The following DOCK1 variants were observed in gnomAD, a reference collection of about 807,000 sequenced individuals.
DOCK1 encodes dedicator of cytokinesis protein 1.
A neutral mutation model predicts 262.7 loss-of-function variants in DOCK1; 138 were observed. The ratio of observed to expected loss-of-function variants is 0.53; its 90% CI spans 0.46 to 0.61. The LOEUF (loss-of-function observed/expected upper bound fraction) is 0.61, where lower values mean the gene tolerates loss of function less well. DOCK1 is among the 20% of genes least tolerant of loss of function. The pLI, the probability that DOCK1 is intolerant of heterozygous loss-of-function variation, is 0.00. For missense variants in DOCK1, 1,908 were observed against 2,370.7 expected (o/e 0.80, Z 4.05); for synonymous variants, 866 against 867.4 (o/e 1.00, Z 0.03).
At chr10:127,153,413 C>T (rs77718729) in intron 27 of DOCK1, among the ~76,000 whole-genome samples, 6,500 of 152,210 alleles carry the variant, frequency 0.043, 363 homozygotes, top group African/African-American at 0.13. Context: ...GCACAATCCT[C>T]GAGAGTTCCC....
intron 45 of DOCK1, 79 bp downstream of exon 45, chr10:127,418,620 C>G: frequency 1.3e-6 from 2 of 1,491,386 alleles, no homozygotes; most frequent in Middle Eastern, 2.3e-4. Context: ...TCCCCAAAGC[C>G]CAGAAACGCC....
intron 27 of DOCK1, among the ~76,000 whole-genome samples, chr10:127,245,827 T>TA (rs1195986629): frequency 6.6e-6 from 1 of 152,226 alleles, no homozygotes; most frequent in Non-Finnish European, 1.5e-5. Flanking sequence ...AGCACATTGA[T>TA]ACATTGCTTC....
intron 48 of DOCK1, 104 bp downstream of exon 48, chr10:127,433,532 T>C (rs1256158075): frequency 3.5e-5 from 49 of 1,396,982 alleles, no homozygotes; most frequent in Non-Finnish European, 4.4e-5. Context: ...CTGAGGATTT[T>C]GTGTTCATCA....
chr10:126,949,124 C>G (rs1267193397), intron 1 of DOCK1, among the ~76,000 whole-genome samples: 1 of 152,078 alleles, frequency 6.6e-6, no homozygotes, highest in East Asian at 1.9e-4. Flanking sequence ...TTGCTGCCTG[C>G]CTGGCACTCT....
chr10:127,233,063 T>A (rs536996392), intron 27 of DOCK1, among the ~76,000 whole-genome samples: 37 of 152,340 alleles, frequency 2.4e-4, no homozygotes, highest in African/African-American at 8.7e-4. Context: ...GGTCCCTTTT[T>A]AATTTTATGT....
chr10:127,044,753 C>T (rs1006403382), intron 21 of DOCK1, among the ~76,000 whole-genome samples: 1 of 152,224 alleles, frequency 6.6e-6, no homozygotes, highest in Admixed American at 6.5e-5. Context: ...TCATTGGCGC[C>T]AGCCTTTCCA....
At chr10:127,326,921 C>G (rs928522746) in intron 29 of DOCK1, among the ~76,000 whole-genome samples, 1 of 152,178 alleles carries the variant, frequency 6.6e-6, no homozygotes, top group Non-Finnish European at 1.5e-5. Flanking sequence ...CTGGGTTGAC[C>G]AGGTGCATTG....
At chr10:127,004,211 G>A (rs992160907) in intron 10 of DOCK1, among the ~76,000 whole-genome samples, 2 of 151,030 alleles carry the variant, frequency 1.3e-5, no homozygotes, top group African/African-American at 2.4e-5. Context: ...CCAAGATCAC[G>A]CCAGAGTGAT....
intron 30 of DOCK1, 44 bp from the exon 31 acceptor site, chr10:127,343,602 C>A: frequency 7.0e-7 from 1 of 1,426,456 alleles, no homozygotes; most frequent in South Asian, 1.2e-5. Context: ...GATCCTATAT[C>A]AAGCTGTTCA....
intron 1 of DOCK1, among the ~76,000 whole-genome samples, chr10:126,951,910 TG>T (rs2036284312): frequency 6.7e-6 from 1 of 149,940 alleles, no homozygotes; most frequent in Non-Finnish European, 1.5e-5. Context: ...AGTGCAGTGG[TG>T]CGATCTCGGC....
intron 29 of DOCK1, among the ~76,000 whole-genome samples, chr10:127,333,487 C>G (rs369159394): frequency 2.0e-5 from 3 of 152,206 alleles, no homozygotes; most frequent in African/African-American, 7.2e-5. Flanking sequence ...ACTTTTCACT[C>G]GCTAAGTTCC....
chr10:127,347,313 G>A (rs1054175750), intron 31 of DOCK1, among the ~76,000 whole-genome samples: 1 of 152,236 alleles, frequency 6.6e-6, no homozygotes, highest in African/African-American at 2.4e-5. Flanking sequence ...TCATGGTCTA[G>A]TGGGGTAAAT....
intron 18 of DOCK1, among the ~76,000 whole-genome samples, chr10:127,036,116 AT>A (rs1408784256): frequency 6.6e-6 from 1 of 152,220 alleles, no homozygotes; most frequent in African/African-American, 2.4e-5. Flanking sequence ...TGGACTAGGC[AT>A]TCTGCTAAGT....
At chr10:127,105,503 A>T (rs1344197152) in intron 23 of DOCK1, among the ~76,000 whole-genome samples, 2 of 152,194 alleles carry the variant, frequency 1.3e-5, no homozygotes, top group African/African-American at 4.8e-5. Flanking sequence ...AAGACAGTTG[A>T]CTTTAATCAT....
intron 27 of DOCK1, chr10:127,135,975 G>C (rs555201147): frequency 7.9e-5 from 12 of 152,722 alleles, no homozygotes; most frequent in African/African-American, 2.9e-4. Flanking sequence ...TAGTCTACGT[G>C]AAACAGTTAC....
chr10:126,970,344 G>C (rs1039730119), intron 1 of DOCK1, among the ~76,000 whole-genome samples: 1 of 151,982 alleles, frequency 6.6e-6, no homozygotes, highest in Non-Finnish European at 1.5e-5. Flanking sequence ...TTATTAATTT[G>C]GTTTCCAAAG....
chr10:127,105,496 A>T (rs763823371), intron 23 of DOCK1, among the ~76,000 whole-genome samples: 4 of 152,224 alleles, frequency 2.6e-5, no homozygotes, highest in Non-Finnish European at 5.9e-5. Flanking sequence ...TGGAACAAAG[A>T]CAGTTGACTT....
intron 1 of DOCK1, among the ~76,000 whole-genome samples, chr10:126,923,698 C>T (rs191668198): frequency 2.0e-5 from 3 of 152,328 alleles, no homozygotes; most frequent in South Asian, 2.1e-4. Context: ...GCGCCATTCT[C>T]GGCATCTCTC....
In DOCK1 at chr10:127,444,197, G is replaced by T. The variant is rs34381953; in HGVS notation, c.5331G>T (p.Ser1777=). 1 of 1,608,372 alleles carries T rather than the reference G, an allele frequency of 6.2e-7. No homozygotes were observed. The highest frequency in any genetic ancestry group is 8.5e-7 in the Non-Finnish European group (1 of 1,178,080). Residue 1777 remains serine (S), a synonymous_variant, in exon 50 of 52, where the codon TCG becomes TCT. Transcript: ENST00000623213. ...TCATTGGAAGCGAAAGGCGCTTCTC[G>T]GTGTCCCCCTCGTCACCGTCCTCCC... is the stretch of plus-strand genomic sequence containing the variant. ...MNVIGSERRF[S]VSPSSPSSQQ... is the part of the protein sequence containing the mutation.
Sources: gnomAD v4.1 joint callset for allele counts (sites outside exome capture counted in the v4.1 genomes callset) on GRCh38, gnomAD v4.1.1 for gene constraint, MANE v1.5 for transcripts, NCBI Gene and HGNC (gene_info 2026-07-23, HGNC 2026-07-21) for gene names.